GPSM1: variants seen among roughly 807,000 people sequenced by gnomAD.
GPSM1 encodes the protein G protein signaling modulator 1.
Under a neutral mutation model 70.5 loss-of-function variants are expected in GPSM1, and 48 were observed. The ratio of observed to expected loss-of-function variants is 0.68; its 90% CI spans 0.54 to 0.87. The LOEUF is 0.87. GPSM1 is among the 40% of genes least tolerant of loss of function. GPSM1 has a pLI of 0.00. For synonymous variants in GPSM1, 416 were observed against 430.1 expected (o/e 0.97, Z 0.41); for missense variants, 981 against 972.6 (o/e 1.01, Z -0.11).
Position 136,349,649 on chromosome 9 carries a change from C to T in GPSM1, c.1341C>T (p.Pro447=), listed in dbSNP as rs1554771754. 1.3e-6 allele frequency: 2 copies of T among 1,550,488 alleles called. No individual in the cohort carries two copies. Among genetic ancestry groups the T allele is most frequent in the Admixed American group, 2.0e-5 (1 of 51,018 alleles). ...DWRGPSRDSL[P]LPVRSRKYQE... The stretch of plus-strand genomic sequence containing the variant: ...GGGGGCCCAGCAGGGACTCGCTACC[C>T]CTCCCCGTGAGGAGCAGGAAGTACC... Residue 447 remains proline, a synonymous_variant, in exon 11 of 14, where the codon CCC becomes CCT. Transcript: ENST00000440944.
chr9:136,337,032 G>T lies in GPSM1; in HGVS notation c.538G>T (p.Asp180Tyr). The change falls in exon 4 of 14, where the codon GAT becomes TAT. Residue 180 changes from aspartate to tyrosine, a missense_variant. Coordinates refer to ENST00000440944, the MANE Select transcript of GPSM1 (RefSeq NM_001145638.3). ...GCAGGACCCCGGGCACCTGCCGCCC[G>T]ATGTCCGAGAGACCCTGTGCAAGGC... ...ATQDPGHLPP[D>Y]VRETLCKASE... 1.3e-6 allele frequency: 2 copies of T among 1,551,896 alleles called. No homozygotes were observed. The highest frequency in any genetic ancestry group is 1.7e-6 in the Non-Finnish European group (2 of 1,147,752).
At chr9:136,334,977 G>A (rs1832197804) in intron 2 of GPSM1, among the ~76,000 whole-genome samples, 1 of 152,200 alleles carries the variant, frequency 6.6e-6, no homozygotes, top group Non-Finnish European at 1.5e-5. Context: ...GGAACGCAGT[G>A]GGGAAGCCCT....
At chr9:136,330,243 T>G (rs1554768342) in intron 1 of GPSM1, among the ~76,000 whole-genome samples, 1 of 151,954 alleles carries the variant, frequency 6.6e-6, no homozygotes, top group Non-Finnish European at 1.5e-5. Flanking sequence ...CCACCCACCT[T>G]GGGGTGACCC....
chr9:136,337,102 G>C lies in GPSM1; in HGVS notation c.578+30G>C, dbSNP rs781849310. The C allele has an allele frequency of 2.6e-6, 4 of 1,521,788 alleles. No individual in the cohort carries two copies. In the Admixed American group the frequency reaches 6.3e-5, roughly 24 times the overall value. The allele number at this position is 1,521,788 out of a possible 1,614,324, so 94.3% of individuals were successfully genotyped here. ...GTGGGGCAGGGCCAGCCCAGGGACC[G>C]GGGCTGGCCTGTGCGTTTCTGAGCT... On this transcript the variant is annotated intron_variant, in intron 4 of 13. Coordinates refer to ENST00000440944, the MANE Select transcript of GPSM1 (RefSeq NM_001145638.3).
chr9:136,345,695 G>T (rs1333374657), intron 9 of GPSM1, among the ~76,000 whole-genome samples: 1 of 152,222 alleles, frequency 6.6e-6, no homozygotes, highest in Admixed American at 6.5e-5. Context: ...CCCTCAGGCA[G>T]TGCACACCGG....
intron 12 of GPSM1, 141 bp downstream of exon 12, chr9:136,355,987 C>T (rs2131417173): frequency 1.5e-6 from 1 of 673,506 alleles, no homozygotes; most frequent in Middle Eastern, 4.1e-4. Context: ...TGAGGGCGCC[C>T]TCCGCAGCCC....
chr9:136,356,250 G>C (rs911878129), intron 12 of GPSM1, 92 bp from the exon 13 acceptor site: 3 of 986,484 alleles, frequency 3.0e-6, no homozygotes, highest in Non-Finnish European at 2.9e-6. Flanking sequence ...GGCTGGGCTG[G>C]GCTCAGAGGT....
In GPSM1 at chr9:136,341,541, C is replaced by T. The variant is rs1298781560; in HGVS notation, c.1207+548C>T. The T allele has an allele frequency of 1.2e-5, 13 of 1,086,142 alleles. No homozygotes were observed. The South Asian group carries it at 3.9e-4, about 32-fold the overall frequency. 67.3% of individuals were successfully genotyped at this position (1,086,142 alleles called of 1,614,324 possible). A position where few individuals can be genotyped will look rare whatever the true frequency, so the allele number is the denominator to read the frequency against. On this transcript the variant is annotated intron_variant, in intron 9 of 13. Transcript: ENST00000440944. This position sits in a 1 kb window ranked among gnomAD's most constrained non-coding sequence, Gnocchi z 6.7. ...ACAGGACAGAACGTCCCCTGCAAAG[C>T]GAAAAGACTAATAGGTGCCAGGGGG...
At chr9:136,337,782 T>C (rs997700441) in intron 5 of GPSM1, 64 bp from the exon 6 acceptor site, 4 of 1,303,986 alleles carry the variant, frequency 3.1e-6, no homozygotes, top group African/African-American at 2.9e-5. Context: ...AGGCAGCCCC[T>C]GTCCGCCCAC....
At chr9:136,338,106 G>A in intron 6 of GPSM1, 145 bp downstream of exon 6, 1 of 625,228 alleles carries the variant, frequency 1.6e-6, no homozygotes, top group South Asian at 2.0e-5. Flanking sequence ...GCTGCCCCGG[G>A]AAGGGCAGAC....
chr9:136,339,884 T>C (rs948375501), intron 8 of GPSM1, 69 bp downstream of exon 8: 148 of 956,004 alleles, frequency 1.5e-4, no homozygotes, highest in Non-Finnish European at 2.3e-4. Context: ...GGGTCCCCTC[T>C]GCCCCGAGCG....
Position 136,334,596 on chromosome 9 carries a change from G to T in GPSM1, c.218G>T (p.Gly73Val). 6.2e-7 allele frequency: 1 copy of T among 1,613,346 alleles called. No individual in the cohort carries two copies. The highest frequency in any genetic ancestry group is 8.5e-7 in the Non-Finnish European group (1 of 1,179,996). ...CTGAGTGCCATCTACAGCCAGCTGG[G>T]CAACGCCTACTTCTACCTGAAGGAG... ...KTLSAIYSQL[G>V]NAYFYLKEHG... The change falls in exon 2 of 14, where the codon GGC becomes GTC. Residue 73 changes from glycine (G) to valine (V), a missense_variant. By Grantham distance (109) the Gly-to-Val change is moderately radical. Transcript: ENST00000440944.
intron 12 of GPSM1, 77 bp downstream of exon 12, chr9:136,355,923 A>G: frequency 1.6e-6 from 2 of 1,290,006 alleles, no homozygotes; most frequent in Admixed American, 4.6e-5. Flanking sequence ...TCCTGCTTCC[A>G]GTGAGGAGTT....
In GPSM1 at chr9:136,341,894, T is replaced by C; in HGVS notation, c.1207+901T>C. On this transcript the variant is annotated intron_variant, in intron 9 of 13. Transcript: ENST00000440944. The surrounding 1 kb of genome is among the most constrained non-coding windows in gnomAD (Gnocchi z 6.7). ...TCAAACTCCCAGCCTCAAGCGATCC[T>C]CCCATCTCGGCTTCCAGAAGTGCTG... The C allele has an allele frequency of 1.8e-6, 1 of 559,398 alleles. No individual in the cohort carries two copies. Among genetic ancestry groups the C allele is most frequent in the Non-Finnish European group, 2.3e-6 (1 of 440,516 alleles). 34.7% of individuals were successfully genotyped at this position (559,398 alleles called of 1,614,324 possible).
intron 11 of GPSM1, among the ~76,000 whole-genome samples, chr9:136,350,564 G>A (rs1396637726): frequency 6.6e-6 from 1 of 152,232 alleles, no homozygotes; most frequent in Non-Finnish European, 1.5e-5. Context: ...GGTCATGGAG[G>A]GGATGCAGCT....
chr9:136,354,976 G>A, intron 11 of GPSM1: 1 of 1,072,964 alleles, frequency 9.3e-7, no homozygotes, highest in Non-Finnish European at 1.1e-6. Context: ...GACTGGGGTA[G>A]CACCCATGAG....
At position 136,337,427 on chromosome 9, in the gene GPSM1, C is replaced by T. The variant is rs75170217; in HGVS notation, c.579-14C>T. 0.057 allele frequency: 89,795 copies of T among 1,567,370 alleles called. 3,154 individuals carry two copies. The highest frequency in any genetic ancestry group is 0.12 in the South Asian group (10,414 of 85,246). ...GGCTGGGAGGGACACGGCTCAGAGG[C>T]ACTCGGCCCCCAGGAGGAACCTGTC... On this transcript the variant is annotated splice_polypyrimidine_tract_variant and intron_variant, in intron 4 of 13. Transcript: ENST00000440944.
In GPSM1 at chr9:136,359,098, C is replaced by A. The variant is rs1288321776; in HGVS notation, c.*878C>A. ...CCCTGCAGACCCCCCATATGAGAAC[C>A]CCCCTCCTCCCACCAGCTGGGGGAG... On this transcript the variant is annotated 3_prime_UTR_variant, in exon 14 of 14. Transcript: ENST00000440944. The A allele has an allele frequency of 6.6e-6, 1 of 152,344 alleles. No homozygotes were observed. The highest frequency in any genetic ancestry group is 1.5e-5 in the Non-Finnish European group (1 of 68,076). 9.4% of individuals were successfully genotyped at this position (152,344 alleles called of 1,614,324 possible). A position where few individuals can be genotyped will look rare whatever the true frequency, so the allele number is the denominator to read the frequency against.
In GPSM1 at chr9:136,332,019, G is replaced by A. The variant is rs1327402737; in HGVS notation, c.69-2428G>A. ...CTGGGGCCTGGCGATGCCATCCCCT[G>A]CTGGGGAGGGCCCGCCTCTGGCCCT... On this transcript the variant is annotated intron_variant, in intron 1 of 13. Transcript: ENST00000440944. 7.5e-6 allele frequency: 3 copies of A among 398,666 alleles called. No homozygotes were observed. The East Asian group carries it at 1.1e-4, about 14-fold the overall frequency. 24.7% of individuals were successfully genotyped at this position (398,666 alleles called of 1,614,324 possible).
Sources: gnomAD v4.1 joint callset for allele counts (sites outside exome capture counted in the v4.1 genomes callset) on GRCh38, gnomAD v4.1.1 for gene constraint, Gnocchi (gnomAD v3.1) non-coding constraint, MANE v1.5 for transcripts, NCBI Gene and HGNC (gene_info 2026-07-23, HGNC 2026-07-21) for gene names.